Variants in RERE observed in about 807,000 individuals in gnomAD.
RERE encodes arginine-glutamic acid dipeptide repeats protein.
A neutral mutation model predicts 146.1 loss-of-function variants in RERE; 40 were observed. The ratio of observed to expected loss-of-function variants is 0.27; its 90% confidence interval spans 0.21 to 0.36. The LOEUF is 0.36. Among genes scored for constraint, RERE ranks in the 10% least tolerant of loss-of-function variants. RERE has a pLI of 1.00. For synonymous variants in RERE, 1,003 were observed against 866.0 expected (o/e 1.16, Z -2.78); for missense variants, 1,933 against 2,138.7 (o/e 0.90, Z 1.90).
At chr1:8,605,736 C>T (rs536111407) in intron 4 of RERE, among the ~76,000 whole-genome samples, 2 of 90,860 alleles carry the variant, frequency 2.2e-5, no homozygotes, top group South Asian at 3.6e-4. Flanking sequence ...CAGAGCAAGA[C>T]CCCATCTCCA....
intron 12 of RERE, among the ~76,000 whole-genome samples, chr1:8,395,851 T>C (rs1306347815): frequency 6.6e-6 from 1 of 152,140 alleles, no homozygotes; most frequent in Non-Finnish European, 1.5e-5. Context: ...GTTGTGATGT[T>C]TGCAGAGAAT....
At chr1:8,776,745 G>A (rs1391477622) in intron 1 of RERE, among the ~76,000 whole-genome samples, 2 of 151,814 alleles carry the variant, frequency 1.3e-5, no homozygotes. Context: ...TTTTGAGGCA[G>A]GGTGTCACTG....
intron 4 of RERE, among the ~76,000 whole-genome samples, chr1:8,581,967 A>G (rs1646371965): frequency 1.3e-5 from 2 of 152,130 alleles, no homozygotes; most frequent in African/African-American, 4.8e-5. Flanking sequence ...ATATGTATGC[A>G]TATACACTGG....
chr1:8,720,335 ACCT>A (rs2124472162), intron 1 of RERE, among the ~76,000 whole-genome samples: 1 of 152,086 alleles, frequency 6.6e-6, no homozygotes, highest in Admixed American at 6.5e-5. Context: ...GACACTCCTG[ACCT>A]CAAGGGGTTT....
intron 7 of RERE, chr1:8,512,647 C>T (rs1475911475): frequency 6.6e-6 from 1 of 152,466 alleles, no homozygotes; most frequent in Non-Finnish European, 1.5e-5. Flanking sequence ...CTCCTCAACC[C>T]CGCAAGCTCT....
intron 1 of RERE, among the ~76,000 whole-genome samples, chr1:8,708,007 ATAGG>A (rs1490054322): frequency 6.6e-6 from 1 of 152,188 alleles, no homozygotes; most frequent in African/African-American, 2.4e-5. Context: ...AAATTTTATC[ATAGG>A]TAGGTATGTG....
At chr1:8,368,532 C>T (rs867535424) in intron 12 of RERE, among the ~76,000 whole-genome samples, 3 of 147,736 alleles carry the variant, frequency 2.0e-5, no homozygotes, top group African/African-American at 7.5e-5. Flanking sequence ...CAAAGCTATA[C>T]GAGACAAAAG....
rs879924042 is a variant in RERE at position 8,794,078 on chromosome 1, A to AT, written c.-145+23081dup. 4.3e-3 allele frequency among the ~76,000 whole-genome samples: 618 copies of AT among 144,490 alleles called. 4 individuals are homozygous for AT. Among genetic ancestry groups the AT allele is most frequent in the African/African-American group, 0.011 (444 of 39,058 alleles). 94.8% of individuals were successfully genotyped at this position (144,490 alleles called of 152,430 possible). A position where few individuals can be genotyped will look rare whatever the true frequency, so the allele number is the denominator to read the frequency against. On this transcript the variant is annotated intron_variant, in intron 1 of 22. Coordinates refer to ENST00000400908, the MANE Select transcript of RERE (RefSeq NM_001042681.2). ...GCAAGACTGTCTCAAAAAAAAAAAA[A>AT]TTTTTTTTTTTTGAGAGAGAAAAAA...
At chr1:8,548,008 G>C (rs770049679) in intron 6 of RERE, among the ~76,000 whole-genome samples, 4 of 152,152 alleles carry the variant, frequency 2.6e-5, no homozygotes, top group Admixed American at 1.3e-4. Context: ...TCAACATAAG[G>C]AAGTAAAAGA....
intron 11 of RERE, among the ~76,000 whole-genome samples, chr1:8,435,721 G>C (rs1449149317): frequency 6.6e-6 from 1 of 152,168 alleles, no homozygotes; most frequent in Non-Finnish European, 1.5e-5. Context: ...ATGGGAAAAT[G>C]ACCTCATGTT....
intron 7 of RERE, among the ~76,000 whole-genome samples, chr1:8,515,709 G>C (rs1645405141): frequency 6.6e-6 from 1 of 152,062 alleles, no homozygotes; most frequent in Admixed American, 6.6e-5. Flanking sequence ...CAATGCTGCT[G>C]AATTAACAAA....
At chr1:8,432,177 T>A (rs1209774289) in intron 11 of RERE, among the ~76,000 whole-genome samples, 1 of 152,192 alleles carries the variant, frequency 6.6e-6, no homozygotes, top group Non-Finnish European at 1.5e-5. Flanking sequence ...GGTCTGCTAG[T>A]TAGTTAACAG....
intron 3 of RERE, among the ~76,000 whole-genome samples, chr1:8,620,125 G>A (rs1646900252): frequency 6.6e-6 from 1 of 152,176 alleles, no homozygotes; most frequent in Non-Finnish European, 1.5e-5. Context: ...TAAGTCACAT[G>A]GTGACCTATA....
intron 3 of RERE, among the ~76,000 whole-genome samples, chr1:8,617,731 G>T (rs934864758): frequency 1.3e-5 from 2 of 152,082 alleles, no homozygotes; most frequent in Non-Finnish European, 2.9e-5. Context: ...TTTTCTGGGA[G>T]GTTCACACGT....
chr1:8,705,715 TAAATG>T (rs1639544087), intron 1 of RERE, among the ~76,000 whole-genome samples: 2 of 152,198 alleles, frequency 1.3e-5, no homozygotes, highest in African/African-American at 4.8e-5. Flanking sequence ...GTTGAATGAA[TAAATG>T]AACTGAGGTC....
Position 8,501,785 on chromosome 1 carries a change from AGCCGC to A in RERE, c.880-4261_880-4257del, listed in dbSNP as rs1329732914. ...GGGGGGATCAGCCCCCCGCCTGGCC[AGCCGC>A]CCCGACCGGGAGGTGAGGGGCGCCT... On this transcript the variant is annotated intron_variant, in intron 8 of 22. Transcript: ENST00000400908. 2.7e-5 allele frequency among the ~76,000 whole-genome samples: 3 copies of A among 112,636 alleles called. No homozygotes were observed. In the South Asian group the frequency reaches 9.6e-4, roughly 36 times the overall value. 73.9% of individuals were successfully genotyped at this position (112,636 alleles called of 152,430 possible).
chr1:8,493,518 A>C (rs562529786), intron 10 of RERE, among the ~76,000 whole-genome samples: 7 of 152,332 alleles, frequency 4.6e-5, no homozygotes, highest in African/African-American at 1.7e-4. Context: ...TATCACGCAG[A>C]TATCTACGTT....
chr1:8,677,708 G>A (rs1638875769), intron 1 of RERE, among the ~76,000 whole-genome samples: 1 of 152,094 alleles, frequency 6.6e-6, no homozygotes, highest in African/African-American at 2.4e-5. Context: ...TCTCTGTCTA[G>A]ACTTCAGTTT....
chr1:8,419,057 C>G (rs1009122131), intron 12 of RERE, among the ~76,000 whole-genome samples: 4 of 152,280 alleles, frequency 2.6e-5, no homozygotes, highest in African/African-American at 9.6e-5. Flanking sequence ...ATGCTCCACC[C>G]GTATTCCTGA....
Sources: gnomAD v4.1 joint callset for allele counts (sites outside exome capture counted in the v4.1 genomes callset) on GRCh38, gnomAD v4.1.1 for gene constraint, MANE v1.5 for transcripts, NCBI Gene and HGNC (gene_info 2026-07-23, HGNC 2026-07-21) for gene names.